NBPF12: variants seen among roughly 807,000 people sequenced by gnomAD.
NBPF12 encodes the protein NBPF family member NBPF12.
Under a neutral mutation model 146.4 loss-of-function variants are expected in NBPF12, and 115 were observed. That is an observed-to-expected ratio of 0.79 (90% CI 0.68 to 0.92). The LOEUF is 0.92. Ranked by LOEUF, NBPF12 falls within the 40% of genes least tolerant of loss-of-function variation. The probability of loss-of-function intolerance (pLI) is 0.00; values close to 1 mark genes in which losing one functional copy is unlikely to be tolerated. For synonymous variants in NBPF12, 385 were observed against 508.9 expected (o/e 0.76, Z 3.28); for missense variants, 1,205 against 1,326.8 (o/e 0.91, Z 1.43).
chr1:146,963,262 C>T (rs1194180626), exon 6 of NBPF12: 2 of 1,611,970 alleles, frequency 1.2e-6, no homozygotes, highest in Admixed American at 1.7e-5. Flanking sequence ...GAACAGCTGG[C>T]TGAGGGGTGT....
chr1:146,972,966 A>G lies in NBPF12; in HGVS notation c.1801+6A>G. 1 of 910,184 alleles carries G rather than the reference A, an allele frequency of 1.1e-6. No individual in the cohort carries two copies. The highest frequency in any genetic ancestry group is 1.9e-6 in the Non-Finnish European group (1 of 538,992). The allele number at this position is 910,184 out of a possible 1,614,324, so 56.4% of individuals were successfully genotyped here. ...CAAGCAGCAGAACAAATACAGTAAG[A>G]TCTATATGCTCACCATCATGAAAGT... On this transcript the variant is annotated splice_donor_region_variant and intron_variant, in intron 14 of 33. Transcript: ENST00000617844.
At chr1:146,966,991 G>A (rs1357614765) in intron 9 of NBPF12, among the ~76,000 whole-genome samples, 6 of 151,006 alleles carry the variant, frequency 4.0e-5, no homozygotes, top group African/African-American at 1.2e-4. Flanking sequence ...TGCCACATAA[G>A]ATCCTGCAGA....
chr1:146,965,905 C>A (rs1190670533), intron 8 of NBPF12, among the ~76,000 whole-genome samples: 8 of 148,676 alleles, frequency 5.4e-5, no homozygotes, highest in Non-Finnish European at 1.0e-4. Context: ...CTCAGGAGAT[C>A]GAAACCAGCC....
chr1:146,962,571 C>CT (rs1655923676), intron 5 of NBPF12, among the ~76,000 whole-genome samples: 1 of 151,704 alleles, frequency 6.6e-6, no homozygotes, highest in Non-Finnish European at 1.5e-5. Context: ...AAATGGTGTG[C>CT]TATTGCCACC....
At chr1:146,971,609 G>A (rs1300880053) in intron 13 of NBPF12, among the ~76,000 whole-genome samples, 2 of 147,170 alleles carry the variant, frequency 1.4e-5, no homozygotes, top group African/African-American at 2.6e-5. Flanking sequence ...GGAGTATATG[G>A]TGAAACCCAT....
At chr1:146,956,584 AAT>A (rs1655600485) in intron 2 of NBPF12, among the ~76,000 whole-genome samples, 1 of 151,902 alleles carries the variant, frequency 6.6e-6, no homozygotes, top group Non-Finnish European at 1.5e-5. Context: ...AATAAAACAT[AAT>A]AGAGATTAAT....
chr1:146,944,600 T>G (rs1654938145), upstream of NBPF12, among the ~76,000 whole-genome samples: 1 of 151,384 alleles, frequency 6.6e-6, no homozygotes, highest in Non-Finnish European at 1.5e-5. Context: ...ACTCAGTGTC[T>G]CTGGCAACAG....
chr1:146,992,462 C>CTCTCTCTCTGTGTGTG (rs1450490306), intron 31 of NBPF12, among the ~76,000 whole-genome samples: 8 of 66,272 alleles, frequency 1.2e-4, no homozygotes, highest in African/African-American at 5.7e-4. Context: ...CTCTCTCTCT[C>CTCTCTCTCTGTGTGTG]TGTGTGTGTG....
exon 9 of NBPF12, chr1:146,966,521 T>C (rs1419986669): frequency 6.7e-7 from 1 of 1,483,490 alleles, no homozygotes; most frequent in Non-Finnish European, 9.4e-7. Flanking sequence ...GCCGGCCCTT[T>C]GTCCAGCGAG....
At chr1:146,968,604 T>A in intron 10 of NBPF12, 54 bp downstream of exon 13, 1 of 1,520,424 alleles carries the variant, frequency 6.6e-7, no homozygotes, top group Non-Finnish European at 9.1e-7. Flanking sequence ...ATCTCTGAAG[T>A]ACAACAGCTC....
chr1:146,973,243 A>G (rs1170624509), intron 14 of NBPF12, among the ~76,000 whole-genome samples: 3 of 151,090 alleles, frequency 2.0e-5, no homozygotes, highest in African/African-American at 4.9e-5. Flanking sequence ...AAGAGGCTCA[A>G]TCGTGTTTTC....
chr1:146,975,485 C>T (rs1656931870), intron 15 of NBPF12, among the ~76,000 whole-genome samples, 192 bp from the exon 19 acceptor site: 1 of 149,470 alleles, frequency 6.7e-6, no homozygotes, highest in Admixed American at 6.6e-5. Context: ...TGCAGGAGCC[C>T]TCTCTGATAC....
intron 9 of NBPF12, among the ~76,000 whole-genome samples, chr1:146,967,105 T>A (rs1419370932): frequency 6.6e-6 from 1 of 150,972 alleles, no homozygotes; most frequent in Non-Finnish European, 1.5e-5. Flanking sequence ...TTCTAGTGAC[T>A]CTGAGGGAAA....
chr1:146,948,408 C>A (rs1181089201), upstream of NBPF12, among the ~76,000 whole-genome samples: 3 of 151,686 alleles, frequency 2.0e-5, no homozygotes, highest in Non-Finnish European at 2.9e-5. Context: ...AAGAAAAATT[C>A]TTTTGCCTTG....
chr1:146,971,838 G>C (rs1191276070), intron 13 of NBPF12, among the ~76,000 whole-genome samples: 2 of 150,212 alleles, frequency 1.3e-5, no homozygotes, highest in South Asian at 2.1e-4. Flanking sequence ...CCAGCACTTT[G>C]GGAGGCCGAG....
intron 26 of NBPF12, among the ~76,000 whole-genome samples, chr1:146,988,578 G>A (rs1559530460): frequency 6.7e-6 from 1 of 148,338 alleles, no homozygotes; most frequent in African/African-American, 2.5e-5. Context: ...GAAAAATAAG[G>A]CATAACTGTT....
chr1:146,940,544 C>A, intron 1 of NBPF12, among the ~76,000 whole-genome samples: 1 of 120,364 alleles, frequency 8.3e-6, no homozygotes, highest in Admixed American at 9.4e-5. Flanking sequence ...TGGCAGAGTG[C>A]AACCCTGCCT....
At chr1:146,953,889 T>C (rs1655436048) in intron 2 of NBPF12, among the ~76,000 whole-genome samples, 1 of 152,086 alleles carries the variant, frequency 6.6e-6, no homozygotes, top group South Asian at 2.1e-4. Flanking sequence ...GCTGTCTTTA[T>C]TCACAGATAA....
chr1:146,940,439 A>G (rs1213484976), intron 1 of NBPF12, among the ~76,000 whole-genome samples: 14 of 152,118 alleles, frequency 9.2e-5, no homozygotes, highest in African/African-American at 3.4e-4. Context: ...TGCCATCTCT[A>G]CTAAAAATAC....
Sources: allele counts gnomAD v4.1 joint callset (sites outside exome capture counted in the v4.1 genomes callset), GRCh38; gene constraint gnomAD v4.1.1; transcripts MANE v1.5; gene names NCBI Gene and HGNC (gene_info 2026-07-23, HGNC 2026-07-21).